Variants in MTOR observed in about 807,000 individuals in gnomAD.
MTOR encodes mechanistic target of rapamycin kinase.
In MTOR, 70 loss-of-function variants were observed where a neutral mutation model predicts 319.8. The observed-to-expected ratio is 0.22, with a 90% CI of 0.18 to 0.27. The LOEUF (loss-of-function observed/expected upper bound fraction) is 0.27. Among genes scored for constraint, MTOR ranks in the 10% least tolerant of loss-of-function variants. MTOR has a pLI of 1.00. For missense variants in MTOR, 1,890 were observed against 3,274.4 expected (o/e 0.58, Z 10.32); for synonymous variants, 1,183 against 1,211.4 (o/e 0.98, Z 0.49).
At chr1:11,150,257 A>C in intron 30 of MTOR, 31 bp from the exon 31 acceptor site, 1 of 1,581,992 alleles carries the variant, frequency 6.3e-7, no homozygotes, top group African/African-American at 1.3e-5. Flanking sequence ...AGTCAGATTA[A>C]TCCAAATCTC....
rs532037545 is a variant in MTOR, at chr1:11,243,777, T to C, written c.1226-477A>G. 2.0e-5 allele frequency among the ~76,000 whole-genome samples: 3 copies of C among 151,914 alleles called. No individual in the cohort carries two copies. The South Asian group carries it at 6.2e-4, about 32-fold the overall frequency. On this transcript the variant is annotated intron_variant, in intron 8 of 57. Coordinates refer to ENST00000361445, the MANE Select transcript of MTOR (RefSeq NM_004958.4). ...TTACTGTTACATTTTCACACAAGAA[T>C]TACATGCTCTTGCTGAAGAAATATA...
intron 11 of MTOR, among the ~76,000 whole-genome samples, chr1:11,239,315 A>C (rs2100905100): frequency 6.6e-6 from 1 of 152,290 alleles, no homozygotes; most frequent in African/African-American, 2.4e-5. Context: ...ATACCAGACA[A>C]AGAGTCTGTG....
In MTOR at chr1:11,247,736, G is replaced by A. The variant is rs1421727059; in HGVS notation, c.1117-3C>T. On this transcript the variant is annotated splice_region_variant and splice_polypyrimidine_tract_variant and intron_variant, in intron 7 of 57. Coordinates refer to ENST00000361445, the MANE Select transcript of MTOR (RefSeq NM_004958.4). Reference sequence around the variant, plus strand: ...CATTTCAGCACCCACTGGCACACCTGAGAGAGGAAGGATAAAGGGTTGGCA... The same window carrying A: ...CATTTCAGCACCCACTGGCACACCTAAGAGAGGAAGGATAAAGGGTTGGCA... 2 of 1,614,042 alleles carry A rather than the reference G, an allele frequency of 1.2e-6. No homozygotes were observed. Among genetic ancestry groups the A allele is most frequent in the Non-Finnish European group, 1.7e-6 (2 of 1,180,028 alleles).
chr1:11,111,219 C>T, intron 54 of MTOR: 1 of 452,864 alleles, frequency 2.2e-6, no homozygotes, highest in South Asian at 1.6e-5. Context: ...TGGCTCATGC[C>T]TGTAATCCCA....
chr1:11,127,908 G>T lies in MTOR; in HGVS notation c.6033+96C>A, dbSNP rs543076706. The T allele has an allele frequency of 6.4e-5, 102 of 1,584,068 alleles. No homozygotes were observed. Among genetic ancestry groups the T allele is most frequent in the Middle Eastern group, 6.4e-4 (3 of 4,674 alleles). On this transcript the variant is annotated intron_variant, in intron 43 of 57. Transcript: ENST00000361445. This position sits in a 1 kb window ranked among gnomAD's most constrained non-coding sequence, Gnocchi z 5.5. ...GTACTATTTCCAGCAGTCAGAGGAA[G>T]TGCACAGCACCAATGCGAGGAAGAA...
intron 10 of MTOR, 73 bp from the exon 11 acceptor site, chr1:11,240,620 T>C (rs886840528): frequency 6.5e-7 from 1 of 1,543,592 alleles, no homozygotes; most frequent in Non-Finnish European, 8.7e-7. Context: ...AGAAACAGCT[T>C]TCTCTCCCAG....
intron 15 of MTOR, 149 bp downstream of exon 15, chr1:11,233,248 CT>C (rs1463472680): frequency 7.3e-6 from 6 of 820,660 alleles, no homozygotes; most frequent in Non-Finnish European, 1.2e-5. Context: ...TTATTTCTCT[CT>C]GAATCTGTTA....
chr1:11,187,444 A>T (rs1430116795), intron 28 of MTOR, among the ~76,000 whole-genome samples: 1 of 152,198 alleles, frequency 6.6e-6, no homozygotes, highest in African/African-American at 2.4e-5. Context: ...AGTTCACAAC[A>T]GGGTTCACAC....
At chr1:11,192,331 G>C (rs761260014) in intron 28 of MTOR, 1 of 1,614,084 alleles carries the variant, frequency 6.2e-7, no homozygotes, top group Non-Finnish European at 8.5e-7. Flanking sequence ...GAGTGTATAA[G>C]CTTCCTCCTG....
chr1:11,112,747 T>G, intron 54 of MTOR, 105 bp downstream of exon 54: 1 of 1,180,886 alleles, frequency 8.5e-7, no homozygotes, highest in Non-Finnish European at 1.3e-6. Flanking sequence ...GGGGAGAGCC[T>G]CTGTAACGTC....
At chr1:11,153,645 G>A (rs1422705489) in intron 30 of MTOR, among the ~76,000 whole-genome samples, 1 of 152,124 alleles carries the variant, frequency 6.6e-6, no homozygotes, top group Non-Finnish European at 1.5e-5. Context: ...GTCCAATAGA[G>A]CTTTCTGTGA....
At chr1:11,193,701 G>C (rs770145659) in intron 28 of MTOR, 2 of 1,614,140 alleles carry the variant, frequency 1.2e-6, no homozygotes, top group South Asian at 1.1e-5. Context: ...AGCATCCGTG[G>C]GGACTTCTGG....
intron 36 of MTOR, chr1:11,139,098 G>C (rs1219655670): frequency 4.9e-6 from 3 of 607,708 alleles, no homozygotes; most frequent in African/African-American, 3.7e-5. Context: ...TCATTGGTTT[G>C]ATCAATGGTA....
chr1:11,204,413 G>T, intron 26 of MTOR, 148 bp downstream of exon 26: 1 of 1,128,584 alleles, frequency 8.9e-7, no homozygotes, highest in Non-Finnish European at 1.2e-6. Flanking sequence ...GTATGAGCTT[G>T]TTGAATTTGT....
chr1:11,200,952 T>C (rs993795573), intron 26 of MTOR, among the ~76,000 whole-genome samples: 2 of 151,544 alleles, frequency 1.3e-5, no homozygotes, highest in African/African-American at 4.9e-5. Flanking sequence ...GAGGCAGAGT[T>C]TGCAGTGAGC....
In MTOR at chr1:11,209,362, C is replaced by T; in HGVS notation, c.3751G>A (p.Glu1251Lys). The change falls in exon 25 of 58, where the codon GAA (glutamate) becomes AAA (lysine). Residue 1251 changes from glutamate (E) to lysine (K), a missense_variant. By Grantham distance (56) the Glu-to-Lys change is moderately conservative. This residue lies in a region of MTOR where 115 missense variants were observed against 105.7 expected (regional missense o/e 1.09). Coordinates refer to ENST00000361445, the MANE Select transcript of MTOR (RefSeq NM_004958.4). ...TGCAGTTTCTTCATGGGTCCTGTTTCCACTGGTCCACTAGCCAATGCATCC... is the reference window on the plus strand; with the variant it reads ...TGCAGTTTCTTCATGGGTCCTGTTTTCACTGGTCCACTAGCCAATGCATCC... Reference protein sequence around the residue: ...QGDALASGPVETGPMKKLHVS... With the variant: ...QGDALASGPVKTGPMKKLHVS... 6.2e-7 allele frequency: 1 copy of T among 1,614,180 alleles called. No individual in the cohort carries two copies.
chr1:11,209,535 G>C, intron 24 of MTOR, 77 bp from the exon 25 acceptor site: 1 of 1,564,648 alleles, frequency 6.4e-7, no homozygotes, highest in Non-Finnish European at 8.7e-7. Context: ...TTAAATTTTG[G>C]GAGGTGCAGA....
At chr1:11,171,927 G>C (rs112991345) in intron 28 of MTOR, among the ~76,000 whole-genome samples, 14,137 of 151,674 alleles carry the variant, frequency 0.093, 1,173 homozygotes, top group South Asian at 0.2. Context: ...CCCAGCTACT[G>C]GGAAGGCTGA....
At position 11,213,501 on chromosome 1, in the gene MTOR, T is replaced by G; in HGVS notation, c.3183A>C (p.Val1061=). The change falls in exon 21 of 58, where the codon GTA becomes GTC. Residue 1061 remains valine (V), a synonymous_variant. Coordinates refer to ENST00000361445, the MANE Select transcript of MTOR (RefSeq NM_004958.4). ...TIILLIEQIV[V]ALGGEFKLYL... Reference sequence around the variant, plus strand: ...AGAGCTTAAATTCACCCCCAAGAGCTACCACAATTTGCTCAATGAGAAGAA... The same window carrying G: ...AGAGCTTAAATTCACCCCCAAGAGCGACCACAATTTGCTCAATGAGAAGAA... The G allele has an allele frequency of 6.2e-7, 1 of 1,614,186 alleles. No homozygotes were observed. The highest frequency in any genetic ancestry group is 8.5e-7 in the Non-Finnish European group (1 of 1,180,026).
Sources: allele counts gnomAD v4.1 joint callset (sites outside exome capture counted in the v4.1 genomes callset), GRCh38; gene constraint gnomAD v4.1.1; regional missense constraint gnomAD v4.1.1; non-coding constraint Gnocchi (gnomAD v3.1); transcripts MANE v1.5; gene names NCBI Gene and HGNC (gene_info 2026-07-23, HGNC 2026-07-21).